Variants in TTN observed in about 807,000 individuals in gnomAD.
The protein encoded by TTN is titin, also known as connectin.
Under a neutral mutation model 3,223.0 loss-of-function variants are expected in TTN, and 1,525 were observed. That is an observed-to-expected ratio of 0.47 (90% confidence interval 0.45 to 0.49). TTN has a LOEUF of 0.49. Ranked by LOEUF, TTN falls within the 20% of genes least tolerant of loss-of-function variation. The pLI is 0.00. For missense variants in TTN, 40,786 were observed against 43,424.0 expected (o/e 0.94, Z 5.40); for synonymous variants, 14,094 against 15,161.0 (o/e 0.93, Z 5.17).
In TTN at chr2:178,578,621, A is replaced by T; in HGVS notation, c.68319T>A (p.Ser22773=). Residue 22773 remains serine, a synonymous_variant, in exon 321 of 363, where the codon TCT becomes TCA. Transcript: ENST00000589042. ...GAACAAACAAAATACCTGTAATTGG[A>T]GAACCACCAGTTTTCTTGGGGTCAG... ...TWTDPKKTGG[S]PITGYHLEFK... The T allele has an allele frequency of 6.2e-7, 1 of 1,610,470 alleles. No individual in the cohort carries two copies. Among genetic ancestry groups the T allele is most frequent in the Non-Finnish European group, 8.5e-7 (1 of 1,178,000 alleles).
At position 178,728,091 on chromosome 2, in the gene TTN, G is replaced by A. The variant is rs776163026; in HGVS notation, c.19714+19C>T. 1.3e-6 allele frequency: 2 copies of A among 1,534,336 alleles called. No individual in the cohort carries two copies. Among genetic ancestry groups the A allele is most frequent in the East Asian group, 2.3e-5 (1 of 44,016 alleles). On this transcript the variant is annotated intron_variant, in intron 67 of 362. Transcript: ENST00000589042. ...AGCATTCGCAAGGAAGAATCAAGAA[G>A]AGGTAAAGAAATTCTAACCTTTCAC...
intron 112 of TTN, 90 bp downstream of exon 112, chr2:178,698,753 C>T (rs149768571): frequency 2.4e-6 from 3 of 1,264,028 alleles, no homozygotes; most frequent in South Asian, 2.8e-5. Context: ...ATTGCAAACT[C>T]TTACCCTTCC....
rs1298082920 is a variant in TTN, at chr2:178,614,314, T to C, written c.49083A>G (p.Thr16361=). Reference sequence around the variant, plus strand: ...GAAGACATGACTCATTGGTTACATCTGTGATGTCAAAGGCAGCTGGTGGTC... The same window carrying C: ...GAAGACATGACTCATTGGTTACATCCGTGATGTCAAAGGCAGCTGGTGGTC... ...KPGPPAAFDI[T]DVTNESCLLT... is the part of the protein sequence containing the mutation. Residue 16361 remains threonine, a synonymous_variant, in exon 262 of 363, where the codon ACA becomes ACG. Coordinates refer to ENST00000589042, the MANE Select transcript of TTN (RefSeq NM_001267550.2). The C allele has an allele frequency of 6.2e-7, 1 of 1,612,738 alleles. No homozygotes were observed.
intron 146 of TTN, 21 bp from the exon 147 acceptor site, chr2:178,677,308 A>G: frequency 8.5e-7 from 1 of 1,172,380 alleles, no homozygotes; most frequent in Non-Finnish European, 1.0e-6. Flanking sequence ...TTTCATTTGA[A>G]GGCATTAAAA....
At position 178,534,961 on chromosome 2, in the gene TTN, A is replaced by G; in HGVS notation, c.101654T>C (p.Met33885Thr). The change falls in exon 358 of 363, where the codon ATG becomes ACG. Residue 33885 changes from methionine (M) to threonine (T), a missense_variant. By Grantham distance (81) the Met-to-Thr change is moderately conservative. Transcript: ENST00000589042. ...CTCAAAGATCATAACTAATTCTTCC[A>G]TGCTTTCAAATGATTCATGGAGGTG... ...ILHLHESFESMEELVMIFEFI... is the reference protein window; with the variant it reads ...ILHLHESFESTEELVMIFEFI... 6.2e-7 allele frequency: 1 copy of G among 1,613,084 alleles called. No homozygotes were observed. The highest frequency in any genetic ancestry group is 8.5e-7 in the Non-Finnish European group (1 of 1,179,710).
At position 178,724,778 on chromosome 2, in the gene TTN, G is replaced by A. The variant is rs116390910; in HGVS notation, c.20837-240C>T. On this transcript the variant is annotated intron_variant, in intron 71 of 362. Coordinates refer to ENST00000589042, the MANE Select transcript of TTN (RefSeq NM_001267550.2). Reference sequence around the variant, plus strand: ...TGTTTTTCCCACCACTCTTGCTGTCGTCTTATGTAGCAATTATTCTTAAGA... The same window carrying A: ...TGTTTTTCCCACCACTCTTGCTGTCATCTTATGTAGCAATTATTCTTAAGA... 1.2e-3 allele frequency: 436 copies of A among 354,996 alleles called. 3 individuals carry two copies. The highest frequency in any genetic ancestry group is 8.1e-3 in the African/African-American group (382 of 47,312). 22.0% of individuals were successfully genotyped at this position (354,996 alleles called of 1,614,324 possible).
Position 178,730,375 on chromosome 2 carries a change from A to C in TTN, c.18029-4T>G. ...TTTTCCACAAAGTAAGGGGGTTCTG[A>C]GGTGAAAGAAAAAACAAGCAAAAGA... On this transcript the variant is annotated splice_polypyrimidine_tract_variant and splice_region_variant and intron_variant, in intron 61 of 362. Coordinates refer to ENST00000589042, the MANE Select transcript of TTN (RefSeq NM_001267550.2). The C allele has an allele frequency of 6.4e-7, 1 of 1,569,282 alleles. No homozygotes were observed.
At position 178,733,773 on chromosome 2, in the gene TTN, C is replaced by T; in HGVS notation, c.15616G>A (p.Glu5206Lys). The change falls in exon 53 of 363, where the codon GAG becomes AAG. Residue 5206 changes from glutamate (E) to lysine (K), a missense_variant. Physicochemically the swap from Glu to Lys is moderately conservative, Grantham distance 56. Coordinates refer to ENST00000589042, the MANE Select transcript of TTN (RefSeq NM_001267550.2). Reference protein sequence around the residue: ...PISVTWMKGQEVIREDGKIKM... With the variant: ...PISVTWMKGQKVIREDGKIKM... Reference sequence around the variant, plus strand: ...ATTTTTCCGTCTTCTCTGATGACCTCTTGACCTTTCATCCATGTGACAGAA... The same window carrying T: ...ATTTTTCCGTCTTCTCTGATGACCTTTTGACCTTTCATCCATGTGACAGAA... 3.1e-6 allele frequency: 5 copies of T among 1,613,838 alleles called. No individual in the cohort carries two copies. The highest frequency in any genetic ancestry group is 4.2e-6 in the Non-Finnish European group (5 of 1,179,778).
chr2:178,536,701 GA>G, intron 356 of TTN, 126 bp from the exon 357 acceptor site: 1 of 919,826 alleles, frequency 1.1e-6, no homozygotes, highest in African/African-American at 1.7e-5. Flanking sequence ...CCAGAAAGAT[GA>G]AATTGGTTAC....
chr2:178,579,289 A>T lies in TTN; in HGVS notation c.67741T>A (p.Ser22581Thr), dbSNP rs1318211232. Residue 22581 changes from serine (S) to threonine (T), a missense_variant, in exon 320 of 363, where the codon TCA (serine) becomes ACA (threonine). By Grantham distance (58) the Ser-to-Thr change is moderately conservative. Transcript: ENST00000589042. ...KIPIKGKPAP[S>T]VSWKKGEDPL... ...TCTTCCCCTTTCTTCCAGGAGACTG[A>T]TGGAGCTGGCTTGCCTTTTATGGGG... 4 of 1,613,024 alleles carry T rather than the reference A, an allele frequency of 2.5e-6. No homozygotes were observed. Among genetic ancestry groups the T allele is most frequent in the Non-Finnish European group, 3.4e-6 (4 of 1,179,484 alleles).
intron 3 of TTN, 36 bp downstream of exon 3, chr2:178,802,102 G>A (rs752568261): frequency 3.7e-6 from 6 of 1,610,590 alleles, no homozygotes; most frequent in East Asian, 4.5e-5. Flanking sequence ...ATGTCCTCTG[G>A]GGGAGCAGAG....
chr2:178,696,402 A>G (rs1176287323), intron 113 of TTN, 133 bp from the exon 114 acceptor site: 1 of 758,646 alleles, frequency 1.3e-6, no homozygotes, highest in Non-Finnish European at 1.9e-6. Flanking sequence ...TTTTTTTTGT[A>G]TTGGTTCCAT....
intron 239 of TTN, 142 bp downstream of exon 239, chr2:178,630,099 T>A: frequency 8.3e-7 from 1 of 1,204,574 alleles, no homozygotes; most frequent in Admixed American, 2.6e-5. Flanking sequence ...TATTGGAATG[T>A]CAAAGTGGCA....
chr2:178,652,486 AG>A lies in TTN; in HGVS notation c.39098del (p.Pro13033LeufsTer45). On this transcript the variant is annotated frameshift_variant, in exon 202 of 363. Coordinates refer to ENST00000589042, the MANE Select transcript of TTN (RefSeq NM_001267550.2). LOFTEE classifies it high-confidence loss of function. The part of the protein sequence containing the change: ...VPEKKVPAAP[P>X]KKPEVTPVKV... The stretch of plus-strand genomic sequence containing the variant: ...TAACAGGTGTGACTTCAGGCTTTTT[AG>A]GAGGAGCCGCTGGCACTTTCTTTTC... 6.2e-7 allele frequency: 1 copy of A among 1,613,616 alleles called. No individual in the cohort carries two copies. The highest frequency in any genetic ancestry group is 8.5e-7 in the Non-Finnish European group (1 of 1,179,642).
At chr2:178,720,727 A>G in intron 79 of TTN, 64 bp from the exon 80 acceptor site, 2 of 1,469,476 alleles carry the variant, frequency 1.4e-6, no homozygotes, top group Non-Finnish European at 1.8e-6. Flanking sequence ...AAAAAATTAA[A>G]TCTAGAACCT....
rs781556763 is a variant in TTN, at chr2:178,731,702, T to A, written c.17173A>T (p.Thr5725Ser). The A allele has an allele frequency of 1.2e-6, 2 of 1,609,310 alleles. No homozygotes were observed. Among genetic ancestry groups the A allele is most frequent in the Non-Finnish European group, 1.7e-6 (2 of 1,176,566 alleles). Reference sequence around the variant, plus strand: ...TGGAACCAACACTAACCTCTTAAAGTCACCCTGGCACTGCAGATGCTGCTG... The same window carrying A: ...TGGAACCAACACTAACCTCTTAAAGACACCCTGGCACTGCAGATGCTGCTG... ...VGSSICSARV[T>S]LREPPSFIKK... The change falls in exon 58 of 363, where the codon ACT (threonine) becomes TCT (serine). Residue 5725 changes from threonine to serine, a missense_variant. Physicochemically the swap from Thr to Ser is moderately conservative, Grantham distance 58 (BLOSUM62 1). Coordinates refer to ENST00000589042, the MANE Select transcript of TTN (RefSeq NM_001267550.2).
chr2:178,663,646 A>T lies in TTN; in HGVS notation c.36513T>A (p.Pro12171=), dbSNP rs764487519. ...KKAPVAPPKE[P]EVPPVKVPEA... ...AAATACCTTTAACAGGTGGGACTTC[A>T]GGCTCTTTAGGAGGAGCCACTGGCG... is the stretch of plus-strand genomic sequence containing the variant. The change falls in exon 171 of 363, where the codon CCT becomes CCA. Residue 12171 remains proline, a synonymous_variant. Coordinates refer to ENST00000589042, the MANE Select transcript of TTN (RefSeq NM_001267550.2). 1.1e-5 allele frequency: 17 copies of T among 1,613,630 alleles called. No homozygotes were observed. The highest frequency in any genetic ancestry group is 1.7e-5 in the Admixed American group (1 of 59,948).
chr2:178,728,882 C>A lies in TTN; in HGVS notation c.19147+9G>T. On this transcript the variant is annotated intron_variant, in intron 65 of 362. Coordinates refer to ENST00000589042, the MANE Select transcript of TTN (RefSeq NM_001267550.2). ...ATAGACTATCTTTGAAAGAGAATAG[C>A]TTACAAACCTTGTACTAAAAGGAAA... 1 of 1,585,964 alleles carries A rather than the reference C, an allele frequency of 6.3e-7. No homozygotes were observed. The highest frequency in any genetic ancestry group is 8.6e-7 in the Non-Finnish European group (1 of 1,164,418).
Position 178,684,329 on chromosome 2 carries a change from C to T in TTN, c.32722+1G>A. On this transcript the variant is annotated splice_donor_variant, in intron 132 of 362. Transcript: ENST00000589042. LOFTEE classifies it high-confidence loss of function. ...TGTGCATAATGGAAGGGCGGATGTA[C>T]CTCTTGCTTTTGGAGGCGCCTCTTT... The T allele has an allele frequency of 6.2e-7, 1 of 1,612,976 alleles. No homozygotes were observed. The highest frequency in any genetic ancestry group is 8.5e-7 in the Non-Finnish European group (1 of 1,179,446).
Sources: gnomAD v4.1 joint callset for allele counts on GRCh38, gnomAD v4.1.1 for gene constraint, MANE v1.5 for transcripts, NCBI Gene and HGNC (gene_info 2026-07-23, HGNC 2026-07-21) for gene names.